Variants in COL25A1 observed in about 807,000 individuals in gnomAD.
The protein encoded by COL25A1 is collagen type XXV alpha 1 chain, also known as collagen alpha-1(XXV) chain.
Under a neutral mutation model 128.4 loss-of-function variants are expected in COL25A1, and 103 were observed. The observed-to-expected ratio is 0.80, with a 90% CI of 0.68 to 0.94. The LOEUF (loss-of-function observed/expected upper bound fraction) is 0.94. Among genes scored for constraint, COL25A1 ranks in the 40% least tolerant of loss-of-function variants. The pLI is 0.00. For synonymous variants in COL25A1, 279 were observed against 277.2 expected, an observed-to-expected ratio of 1.01 and a Z score of -0.06; for missense variants, 745 against 840.0, an observed-to-expected ratio of 0.89 and a Z score of 1.40.
At chr4:109,039,006 C>G (rs1474847455) in intron 5 of COL25A1, among the ~76,000 whole-genome samples, 2 of 152,116 alleles carry the variant, frequency 1.3e-5, no homozygotes, top group African/African-American at 4.8e-5. Flanking sequence ...GGACTGAGAG[C>G]CACCTCCACT....
At chr4:108,940,733 T>A in intron 9 of COL25A1, 87 bp from the exon 10 acceptor site, 1 of 819,864 alleles carries the variant, frequency 1.2e-6, no homozygotes, top group Non-Finnish European at 1.9e-6. Context: ...TTGTATTATC[T>A]AATTCACATT....
intron 3 of COL25A1, among the ~76,000 whole-genome samples, chr4:109,052,651 G>C (rs76274026): frequency 0.01 from 1,550 of 152,254 alleles, 29 homozygotes; most frequent in African/African-American, 0.035. Flanking sequence ...TAAAGATCTT[G>C]CTTCTAAGAG....
At chr4:109,235,583 T>C (rs1364598400) in intron 3 of COL25A1, among the ~76,000 whole-genome samples, 3 of 151,240 alleles carry the variant, frequency 2.0e-5, no homozygotes, top group Non-Finnish European at 2.9e-5. Flanking sequence ...CCACAAAGAA[T>C]GGGAGACTTA....
At chr4:108,885,133 A>G (rs1481388590) in intron 18 of COL25A1, among the ~76,000 whole-genome samples, 1 of 152,180 alleles carries the variant, frequency 6.6e-6, no homozygotes, top group Admixed American at 6.5e-5. Flanking sequence ...AGTTAGTGGG[A>G]TGACAACTAT....
chr4:109,001,372 C>CAGGCATCTGAAATCCTGTCAGGT (rs1755349165), intron 6 of COL25A1, among the ~76,000 whole-genome samples: 1 of 24,148 alleles, frequency 4.1e-5, no homozygotes, highest in Non-Finnish European at 1.3e-4. Flanking sequence ...TTAAAAGAAA[C>CAGGCATCTGAAATCCTGTCAGGT]AGGCATCTGA....
chr4:108,947,098 G>T (rs1401762781), intron 8 of COL25A1, among the ~76,000 whole-genome samples: 1 of 152,160 alleles, frequency 6.6e-6, no homozygotes, highest in African/African-American at 2.4e-5. Flanking sequence ...CACTGAATTT[G>T]AGATGTCTGT....
At chr4:109,161,152 A>G (rs1253055157) in intron 3 of COL25A1, among the ~76,000 whole-genome samples, 6 of 152,042 alleles carry the variant, frequency 3.9e-5, no homozygotes, top group Non-Finnish European at 8.8e-5. Context: ...TTTCAACTAC[A>G]TCATGATCTA....
chr4:109,053,878 G>C (rs1475279170), intron 3 of COL25A1, among the ~76,000 whole-genome samples: 1 of 152,184 alleles, frequency 6.6e-6, no homozygotes, highest in East Asian at 1.9e-4. Context: ...TGCTTTTGGA[G>C]AGCAGGTATC....
chr4:108,957,295 G>A (rs943623807), intron 8 of COL25A1, among the ~76,000 whole-genome samples: 5 of 152,106 alleles, frequency 3.3e-5, no homozygotes, highest in Admixed American at 1.3e-4. Context: ...GAGATGGGAC[G>A]TGAGAGGTAT....
chr4:109,124,528 A>G (rs1241240486), intron 3 of COL25A1, among the ~76,000 whole-genome samples: 1 of 152,056 alleles, frequency 6.6e-6, no homozygotes. Flanking sequence ...GCTCACAAAG[A>G]CTGAAGAATT....
At chr4:108,898,038 T>C (rs1473525338) in intron 15 of COL25A1, among the ~76,000 whole-genome samples, 1 of 152,168 alleles carries the variant, frequency 6.6e-6, no homozygotes, top group African/African-American at 2.4e-5. Flanking sequence ...ACTGATTGGA[T>C]GCTAAATAAA....
At chr4:108,822,160 C>T (rs1429538617) in intron 35 of COL25A1, among the ~76,000 whole-genome samples, 7 of 149,634 alleles carry the variant, frequency 4.7e-5, no homozygotes, top group African/African-American at 1.7e-4. Context: ...TCTCCTGCCT[C>T]AGCCTCCTGA....
At chr4:108,914,435 C>T (rs535398793) in intron 13 of COL25A1, among the ~76,000 whole-genome samples, 25 of 152,232 alleles carry the variant, frequency 1.6e-4, no homozygotes, top group African/African-American at 5.8e-4. Context: ...TAATGTGAAA[C>T]ATGTGTTTCT....
At chr4:109,219,239 T>C (rs1409125316) in intron 3 of COL25A1, among the ~76,000 whole-genome samples, 1 of 152,148 alleles carries the variant, frequency 6.6e-6, no homozygotes, top group Non-Finnish European at 1.5e-5. Context: ...ACTCATTATT[T>C]TACAGGTGAT....
chr4:109,042,355 C>T lies in COL25A1; in HGVS notation c.420+5813G>A, dbSNP rs543713761. On this transcript the variant is annotated intron_variant, in intron 5 of 37. Transcript: ENST00000399132. ...TTTTTCTGCTTTCTGTCCTAGAAGACAAATCAGCGTGCAGGGGCTCAAAAT... is the reference window on the plus strand; with the variant it reads ...TTTTTCTGCTTTCTGTCCTAGAAGATAAATCAGCGTGCAGGGGCTCAAAAT... Among the ~76,000 whole-genome samples the T allele has an allele frequency of 3.3e-4, 50 of 152,222 alleles. No individual in the cohort carries two copies. In the South Asian group the frequency reaches 0.01, roughly 31 times the overall value.
At chr4:109,197,370 A>T (rs1313021553) in intron 3 of COL25A1, among the ~76,000 whole-genome samples, 1 of 129,284 alleles carries the variant, frequency 7.7e-6, no homozygotes, top group Middle Eastern at 3.7e-3. Flanking sequence ...AAAAATATAT[A>T]ATATATATAA....
chr4:109,127,390 T>C (rs1768724012), intron 3 of COL25A1, among the ~76,000 whole-genome samples: 1 of 152,182 alleles, frequency 6.6e-6, no homozygotes, highest in South Asian at 2.1e-4. Flanking sequence ...TATGCCAAAG[T>C]AGAAAAATCA....
At chr4:109,145,839 CT>C (rs1464823605) in intron 3 of COL25A1, among the ~76,000 whole-genome samples, 3 of 151,770 alleles carry the variant, frequency 2.0e-5, no homozygotes, top group Non-Finnish European at 4.4e-5. Context: ...TAAATTCCAT[CT>C]CAAAAAAATA....
At chr4:109,022,081 C>T (rs1294879340) in intron 5 of COL25A1, 9 of 439,734 alleles carry the variant, frequency 2.0e-5, no homozygotes, top group Non-Finnish European at 4.1e-5. Context: ...ATCTTTGTGA[C>T]CTACTCCCTG....
Sources: allele counts gnomAD v4.1 joint callset (sites outside exome capture counted in the v4.1 genomes callset), GRCh38; gene constraint gnomAD v4.1.1; transcripts MANE v1.5; gene names NCBI Gene and HGNC (gene_info 2026-07-23, HGNC 2026-07-21).